Variants in DAB1 observed in about 807,000 individuals in gnomAD.
DAB1 encodes the protein disabled homolog 1.
A neutral mutation model predicts 64.6 loss-of-function variants in DAB1; 15 were observed. The ratio of observed to expected loss-of-function variants is 0.23; its 90% confidence interval spans 0.16 to 0.36. DAB1 has a LOEUF of 0.36. DAB1 is among the 10% of genes least tolerant of loss of function. DAB1 has a pLI of 1.00. For missense variants in DAB1, 596 were observed against 706.7 expected, an observed-to-expected ratio of 0.84 and a Z score of 1.78; for synonymous variants, 235 against 251.9, an observed-to-expected ratio of 0.93 and a Z score of 0.64.
chr1:58,477,850 T>C (rs974202690), intron 3 of DAB1, among the ~76,000 whole-genome samples: 1 of 152,154 alleles, frequency 6.6e-6, no homozygotes, highest in African/African-American at 2.4e-5. Context: ...TTTGTGTTGG[T>C]TCCTCTGTTC....
chr1:58,355,162 G>A (rs554258467), intron 3 of DAB1, among the ~76,000 whole-genome samples: 2 of 152,176 alleles, frequency 1.3e-5, no homozygotes, highest in Non-Finnish European at 2.9e-5. Context: ...ACAGACTTCA[G>A]AGACTTAAAA....
At chr1:58,393,392 A>G (rs1644492614) in intron 3 of DAB1, among the ~76,000 whole-genome samples, 1 of 152,186 alleles carries the variant, frequency 6.6e-6, no homozygotes, top group African/African-American at 2.4e-5. Context: ...TCAAGCTCTT[A>G]TTTAAGTTCT....
At chr1:57,770,867 A>G (rs1410151280) in intron 6 of DAB1, among the ~76,000 whole-genome samples, 1 of 152,124 alleles carries the variant, frequency 6.6e-6, no homozygotes, top group Non-Finnish European at 1.5e-5. Context: ...AGAGAAGGAG[A>G]GGACAGTAAG....
At chr1:58,026,020 A>G (rs1557615168) in intron 5 of DAB1, among the ~76,000 whole-genome samples, 2 of 152,046 alleles carry the variant, frequency 1.3e-5, no homozygotes, top group African/African-American at 2.4e-5. Flanking sequence ...TACTCATGCA[A>G]CTTCTCTAAT....
chr1:57,819,164 T>C (rs1452487352), intron 6 of DAB1, among the ~76,000 whole-genome samples: 1 of 152,220 alleles, frequency 6.6e-6, no homozygotes, highest in African/African-American at 2.4e-5. Context: ...AAGCAGGGCT[T>C]CAACATGACA....
At chr1:57,858,982 G>A (rs1653882428) in intron 1 of DAB1, among the ~76,000 whole-genome samples, 1 of 152,022 alleles carries the variant, frequency 6.6e-6, no homozygotes, top group African/African-American at 2.4e-5. Flanking sequence ...GAGCATCCCA[G>A]CCTCTCCTCT....
intron 5 of DAB1, among the ~76,000 whole-genome samples, chr1:58,052,423 T>C (rs1403229792): frequency 6.6e-6 from 1 of 152,246 alleles, no homozygotes; most frequent in Non-Finnish European, 1.5e-5. Flanking sequence ...TTGGTACCAG[T>C]ACCATGCTGT....
At chr1:57,310,647 T>A (rs1674619658) in intron 1 of DAB1, among the ~76,000 whole-genome samples, 1 of 151,976 alleles carries the variant, frequency 6.6e-6, no homozygotes, top group African/African-American at 2.4e-5. Flanking sequence ...TCCTCATTTG[T>A]AAAAGAAAAA....
chr1:57,591,792 G>T (rs991163625), intron 7 of DAB1, among the ~76,000 whole-genome samples: 11 of 152,210 alleles, frequency 7.2e-5, no homozygotes, highest in Non-Finnish European at 1.6e-4. Flanking sequence ...CCTCAGACAG[G>T]TGTGCAAATG....
intron 5 of DAB1, among the ~76,000 whole-genome samples, chr1:57,967,911 C>T (rs974861304): frequency 1.1e-4 from 17 of 152,202 alleles, no homozygotes; most frequent in Admixed American, 5.2e-4. Context: ...CTTAACTTCT[C>T]AAAATTTTTG....
intron 6 of DAB1, among the ~76,000 whole-genome samples, chr1:57,772,102 T>C (rs544128464): frequency 7.9e-5 from 12 of 152,224 alleles, no homozygotes; most frequent in Non-Finnish European, 1.5e-4. Context: ...GATTAGGCCA[T>C]AGGGGCTCTG....
intron 5 of DAB1, among the ~76,000 whole-genome samples, chr1:58,067,900 G>A (rs1271181869): frequency 1.3e-5 from 2 of 152,206 alleles, no homozygotes; most frequent in Admixed American, 6.5e-5. Context: ...AACAAATAAA[G>A]CATTTAGGAC....
intron 6 of DAB1, among the ~76,000 whole-genome samples, chr1:57,806,652 T>C (rs76054997): frequency 0.015 from 2,361 of 152,348 alleles, 27 homozygotes; most frequent in South Asian, 0.027. Flanking sequence ...TACTTTGTTA[T>C]GGCATCCCTA....
intron 1 of DAB1, chr1:57,306,906 C>T (rs1385663484): frequency 1.3e-5 from 2 of 152,176 alleles, no homozygotes; most frequent in Non-Finnish European, 2.9e-5. Context: ...GACATTTCAT[C>T]ATTAACTCCT....
chr1:58,106,339 C>T (rs927599117), intron 5 of DAB1, among the ~76,000 whole-genome samples: 6 of 151,758 alleles, frequency 4.0e-5, no homozygotes, highest in Admixed American at 1.3e-4. Flanking sequence ...ACCACCACAC[C>T]CAGCTAATTT....
At position 58,473,844 on chromosome 1, in the gene DAB1, G is replaced by A. The variant is rs544634026; in HGVS notation, n.257+32216C>T. On this transcript the variant is annotated intron_variant and non_coding_transcript_variant, in intron 3 of 20. Transcript: ENST00000485760. Reference sequence around the variant, plus strand: ...CAAGCACACTTCCCAAGACTGGTGTGTCTTCCTAGCCTGCGTTTCCTTCAC... The same window carrying A: ...CAAGCACACTTCCCAAGACTGGTGTATCTTCCTAGCCTGCGTTTCCTTCAC... 3.5e-4 allele frequency: 214 copies of A among 608,444 alleles called. 6 individuals are homozygous for A. Among genetic ancestry groups the A allele is most frequent in the South Asian group, 3.1e-3 (212 of 67,350 alleles). The allele number at this position is 608,444 out of a possible 1,614,324, so 37.7% of individuals were successfully genotyped here.
intron 6 of DAB1, among the ~76,000 whole-genome samples, chr1:57,674,103 G>T (rs943013989): frequency 6.6e-6 from 1 of 152,154 alleles, no homozygotes; most frequent in East Asian, 1.9e-4. Context: ...CAGCTTAAAA[G>T]ATTTTTTAAA....
chr1:57,711,911 T>C (rs1557437633), intron 6 of DAB1, among the ~76,000 whole-genome samples: 1 of 152,240 alleles, frequency 6.6e-6, no homozygotes, highest in African/African-American at 2.4e-5. Flanking sequence ...TAACATGTTA[T>C]TGGAAATCAA....
chr1:58,254,262 G>A (rs558314064), intron 4 of DAB1, among the ~76,000 whole-genome samples: 2 of 152,220 alleles, frequency 1.3e-5, no homozygotes, highest in African/African-American at 4.8e-5. Flanking sequence ...AAACCTTGTT[G>A]CTTTTCTCTC....
Sources: gnomAD v4.1 joint callset for allele counts (sites outside exome capture counted in the v4.1 genomes callset) on GRCh38, gnomAD v4.1.1 for gene constraint, MANE v1.5 for transcripts, NCBI Gene and HGNC (gene_info 2026-07-23, HGNC 2026-07-21) for gene names.